PHLPP2: variants seen among roughly 807,000 people sequenced by gnomAD.
The protein encoded by PHLPP2 is PH domain and leucine rich repeat protein phosphatase 2, also known as PH domain leucine-rich repeat-containing protein phosphatase 2.
In PHLPP2, 66 loss-of-function variants were observed where a neutral mutation model predicts 124.9. The ratio of observed to expected loss-of-function variants is 0.53; its 90% CI spans 0.43 to 0.65. PHLPP2 has a LOEUF of 0.65. Ranked by LOEUF, PHLPP2 falls within the 30% of genes least tolerant of loss-of-function variation. The pLI, the probability that PHLPP2 is intolerant of heterozygous loss-of-function variation, is 0.00. For missense variants in PHLPP2, 1,685 were observed against 1,600.4 expected (o/e 1.05, Z -0.90); for synonymous variants, 681 against 624.7 (o/e 1.09, Z -1.34).
chr16:71,680,973 A>G (rs181221151), intron 6 of PHLPP2, among the ~76,000 whole-genome samples: 1 of 152,316 alleles, frequency 6.6e-6, no homozygotes, highest in East Asian at 1.9e-4. Context: ...TTTCTAAAAC[A>G]ATTATCAGAT....
At chr16:71,667,014 G>T (rs1345032991) in intron 12 of PHLPP2, among the ~76,000 whole-genome samples, 164 bp downstream of exon 12, 1 of 152,160 alleles carries the variant, frequency 6.6e-6, no homozygotes, top group Admixed American at 6.5e-5. Context: ...ATAAAACAGT[G>T]TCATATTTTG....
Position 71,690,682 on chromosome 16 carries a change from T to C in PHLPP2, c.446A>G (p.Asp149Gly). The C allele has an allele frequency of 1.2e-5, 20 of 1,612,616 alleles. No individual in the cohort carries two copies. The highest frequency in any genetic ancestry group is 1.5e-5 in the Non-Finnish European group (18 of 1,179,350). ...GEKPCHMDRL[D>G]RILLSGIYNV... is the part of the protein sequence containing the mutation. ...ATAGATGCCAGACAATAGGATTCGA[T>C]CCAAACGATCCATGTGGCATGGTTT... The change falls in exon 4 of 19, where the codon GAT becomes GGT. Residue 149 changes from aspartate to glycine, a missense_variant. Physicochemically the swap from Asp to Gly is moderately conservative, Grantham distance 94. Transcript: ENST00000568954.
intron 1 of PHLPP2, among the ~76,000 whole-genome samples, chr16:71,718,593 AC>A (rs1211990671): frequency 6.0e-5 from 9 of 150,810 alleles, no homozygotes; most frequent in Admixed American, 2.0e-4. Context: ...AAAAAAAAAA[AC>A]AAAACACATG....
At chr16:71,718,046 C>G (rs931761996) in intron 1 of PHLPP2, among the ~76,000 whole-genome samples, 1 of 152,072 alleles carries the variant, frequency 6.6e-6, no homozygotes, top group Non-Finnish European at 1.5e-5. Flanking sequence ...CACATGCCAC[C>G]ACACCCAGCT....
At chr16:71,697,215 TAA>T (rs1555547738) in intron 3 of PHLPP2, among the ~76,000 whole-genome samples, 1 of 82,578 alleles carries the variant, frequency 1.2e-5, no homozygotes, top group Non-Finnish European at 2.9e-5. Flanking sequence ...AATAAATAAA[TAA>T]AAAGAAACTC....
chr16:71,697,820 T>C (rs1489138475), intron 3 of PHLPP2, among the ~76,000 whole-genome samples: 1 of 151,418 alleles, frequency 6.6e-6, no homozygotes, highest in African/African-American at 2.4e-5. Flanking sequence ...TCTCTCTCTT[T>C]TTTTTTTTAA....
At position 71,690,504 on chromosome 16, in the gene PHLPP2, C is replaced by T. The variant is rs375949494; in HGVS notation, c.609+15G>A. 1.0e-4 allele frequency: 159 copies of T among 1,528,612 alleles called. No individual in the cohort carries two copies. The African/African-American group carries it at 2.0e-3, about 19-fold the overall frequency. 94.7% of individuals were successfully genotyped at this position (1,528,612 alleles called of 1,614,324 possible). A position where few individuals can be genotyped will look rare whatever the true frequency, so the allele number is the denominator to read the frequency against. On this transcript the variant is annotated intron_variant, in intron 4 of 18. Coordinates refer to ENST00000568954, the MANE Select transcript of PHLPP2 (RefSeq NM_015020.3). ...GATGATCAAATGAAAAATAATTCAT[C>T]TTTGTGAGTCTTACCTTTCCACCAA...
rs142250876 is a variant in PHLPP2 at position 71,713,227 on chromosome 16, T to C, written c.284+1285A>G. 5.7e-3 allele frequency among the ~76,000 whole-genome samples: 874 copies of C among 152,348 alleles called. 8 individuals carry two copies. The highest frequency in any genetic ancestry group is 0.02 in the African/African-American group (830 of 41,580). On this transcript the variant is annotated intron_variant, in intron 2 of 18. Coordinates refer to ENST00000568954, the MANE Select transcript of PHLPP2 (RefSeq NM_015020.3). ...ATTTGTCGTTGGAATGCTGACTTTA[T>C]GATTCTCTAATTTTAAAACTTTTAA... is the stretch of plus-strand genomic sequence containing the variant.
chr16:71,709,812 A>G (rs1201164100), intron 2 of PHLPP2, among the ~76,000 whole-genome samples: 1 of 152,130 alleles, frequency 6.6e-6, no homozygotes, highest in Admixed American at 6.6e-5. Context: ...CCTTGGCTGT[A>G]CAAGGTTGTC....
intron 2 of PHLPP2, among the ~76,000 whole-genome samples, chr16:71,705,386 T>C (rs1340740247): frequency 1.3e-5 from 2 of 152,208 alleles, no homozygotes; most frequent in Non-Finnish European, 2.9e-5. Context: ...TATTTCTCTC[T>C]AGAAAACTGA....
intron 2 of PHLPP2, among the ~76,000 whole-genome samples, chr16:71,710,543 T>A (rs781721397): frequency 1.1e-4 from 16 of 152,214 alleles, no homozygotes; most frequent in Non-Finnish European, 1.8e-4. Flanking sequence ...TTGCATGATT[T>A]CAGACAACTG....
intron 3 of PHLPP2, among the ~76,000 whole-genome samples, chr16:71,692,090 G>C (rs2045119150): frequency 6.6e-6 from 1 of 151,118 alleles, no homozygotes; most frequent in Non-Finnish European, 1.5e-5. Context: ...TTTTTTTTGA[G>C]ACGGAGTCTT....
intron 2 of PHLPP2, among the ~76,000 whole-genome samples, chr16:71,706,380 G>C (rs1389427385): frequency 1.3e-5 from 2 of 152,264 alleles, no homozygotes; most frequent in East Asian, 1.9e-4. Context: ...TATGTAAGAA[G>C]AGTAAATTTC....
At chr16:71,721,852 A>T (rs2045400549) in intron 1 of PHLPP2, among the ~76,000 whole-genome samples, 1 of 152,208 alleles carries the variant, frequency 6.6e-6, no homozygotes, top group Non-Finnish European at 1.5e-5. Flanking sequence ...CTGGGGGCAC[A>T]TTTTGAAGGA....
chr16:71,700,225 C>T (rs1356537679), intron 3 of PHLPP2, among the ~76,000 whole-genome samples: 2 of 151,940 alleles, frequency 1.3e-5, no homozygotes, highest in Non-Finnish European at 1.5e-5. Flanking sequence ...AGCAACATGG[C>T]GAGACCTCAG....
At chr16:71,672,172 T>C (rs758774802) in intron 10 of PHLPP2, 90 bp downstream of exon 10, 20 of 864,618 alleles carry the variant, frequency 2.3e-5, no homozygotes, top group Non-Finnish European at 3.8e-5. Context: ...TCAAAATACT[T>C]AGATTTCTTG....
chr16:71,708,045 C>T (rs1945540282), intron 2 of PHLPP2, among the ~76,000 whole-genome samples: 1 of 152,162 alleles, frequency 6.6e-6, no homozygotes, highest in African/African-American at 2.4e-5. Flanking sequence ...ATCACCAGGT[C>T]AAAGCCTTTC....
At chr16:71,695,753 C>T (rs2045163248) in intron 3 of PHLPP2, among the ~76,000 whole-genome samples, 1 of 150,988 alleles carries the variant, frequency 6.6e-6, no homozygotes, top group Non-Finnish European at 1.5e-5. Flanking sequence ...GATGGTTCTG[C>T]AAATGCTGAC....
rs1379933113 is a variant in PHLPP2 at position 71,646,327 on chromosome 16, TTTTGGTATCGCCTA to T, written c.*2549_*2562del. ...GCAGACTGCAAAAAAGAATAATCAG[TTTTGGTATCGCCTA>T]TAACAAAGATTTTCAATACAACCTA... On this transcript the variant is annotated 3_prime_UTR_variant, in exon 19 of 19. Transcript: ENST00000568954. The T allele has an allele frequency of 2.4e-4, 37 of 152,358 alleles. 1 individual carries two copies. The highest frequency in any genetic ancestry group is 9.1e-4 in the Admixed American group (14 of 15,302). The allele number at this position is 152,358 out of a possible 1,614,324, so 9.4% of individuals were successfully genotyped here.
Sources: allele counts gnomAD v4.1 joint callset (sites outside exome capture counted in the v4.1 genomes callset), GRCh38; gene constraint gnomAD v4.1.1; transcripts MANE v1.5; gene names NCBI Gene and HGNC (gene_info 2026-07-23, HGNC 2026-07-21).